The following CCDC171 variants were observed in gnomAD, a reference collection of about 807,000 sequenced individuals.
The protein encoded by CCDC171 is coiled-coil domain containing 171.
In CCDC171, 177 loss-of-function variants were observed where a neutral mutation model predicts 168.2. The observed-to-expected ratio is 1.05, with a 90% confidence interval of 0.93 to 1.19. The LOEUF (loss-of-function observed/expected upper bound fraction) is 1.19, where lower values mean the gene tolerates loss of function less well. Among genes scored for constraint, CCDC171 ranks in the 50% most tolerant of loss-of-function variants. The pLI is 0.00. For missense variants in CCDC171, 1,991 were observed against 1,539.0 expected, an observed-to-expected ratio of 1.29 and a Z score of -4.91; for synonymous variants, 687 against 540.8, an observed-to-expected ratio of 1.27 and a Z score of -3.75.
At chr9:15,850,824 A>G (rs998682392) in intron 23 of CCDC171, among the ~76,000 whole-genome samples, 3 of 151,962 alleles carry the variant, frequency 2.0e-5, no homozygotes, top group Non-Finnish European at 2.9e-5. Flanking sequence ...TGATGAAACA[A>G]AGAGTAGTAT....
intron 21 of CCDC171, among the ~76,000 whole-genome samples, chr9:15,834,912 C>T (rs1211812485): frequency 6.6e-6 from 1 of 152,184 alleles, no homozygotes; most frequent in Admixed American, 6.5e-5. Context: ...AAACCAAAAT[C>T]ATCAAAATCA....
intron 7 of CCDC171, among the ~76,000 whole-genome samples, chr9:15,634,466 G>A (rs1028158231): frequency 2.0e-5 from 3 of 152,098 alleles, no homozygotes; most frequent in African/African-American, 7.2e-5. Flanking sequence ...TTGGTCTGGT[G>A]CACCCCTCTT....
intron 6 of CCDC171, among the ~76,000 whole-genome samples, chr9:16,028,334 A>G (rs1444462469): frequency 2.0e-5 from 3 of 152,198 alleles, no homozygotes; most frequent in African/African-American, 7.2e-5. Context: ...GTTAGCAGAG[A>G]GACCGACCGG....
At chr9:15,895,342 G>C (rs1010381952) in intron 24 of CCDC171, among the ~76,000 whole-genome samples, 13 of 152,068 alleles carry the variant, frequency 8.5e-5, no homozygotes, top group Non-Finnish European at 1.9e-4. Flanking sequence ...CTTGCTAAGT[G>C]TTAGAGAAAG....
intron 18 of CCDC171, among the ~76,000 whole-genome samples, chr9:15,748,682 GA>G (rs2055480704): frequency 6.6e-6 from 1 of 152,158 alleles, no homozygotes; most frequent in African/African-American, 2.4e-5. Context: ...CATTCTTAAA[GA>G]AAAGAATTTT....
chr9:15,734,194 A>G (rs188445446), intron 16 of CCDC171, among the ~76,000 whole-genome samples: 10 of 152,350 alleles, frequency 6.6e-5, no homozygotes, highest in Admixed American at 6.5e-5. Flanking sequence ...ACCCATCTGT[A>G]TACAAATGGA....
chr9:15,746,036 A>G (rs1588262734), intron 18 of CCDC171, among the ~76,000 whole-genome samples: 1 of 152,000 alleles, frequency 6.6e-6, no homozygotes, highest in Admixed American at 6.6e-5. Context: ...TCGTTTTGTG[A>G]TATATTTTTT....
At chr9:15,616,038 C>T (rs924175264) in intron 6 of CCDC171, among the ~76,000 whole-genome samples, 2 of 152,188 alleles carry the variant, frequency 1.3e-5, no homozygotes, top group African/African-American at 2.4e-5. Context: ...GTAACCTCCA[C>T]CTCCTGGGTT....
the CCDC171 span, among the ~76,000 whole-genome samples, chr9:16,080,772 G>C: frequency 6.6e-6 from 1 of 152,138 alleles, no homozygotes; most frequent in Non-Finnish European, 1.5e-5. Context: ...GTGTCCCAAA[G>C]ACAGCTCAAA....
At chr9:15,727,326 C>G (rs955296287) in intron 14 of CCDC171, among the ~76,000 whole-genome samples, 4 of 152,126 alleles carry the variant, frequency 2.6e-5, no homozygotes, top group African/African-American at 9.7e-5. Context: ...AGTAAGTAAA[C>G]TGGATTCTCT....
intron 18 of CCDC171, 129 bp downstream of exon 18, chr9:15,745,760 T>C: frequency 5.9e-6 from 3 of 511,548 alleles, no homozygotes. Context: ...TTTTATTCAG[T>C]CATAGAGAGA....
chr9:15,726,161 A>C (rs2053786593), intron 14 of CCDC171, among the ~76,000 whole-genome samples: 1 of 152,150 alleles, frequency 6.6e-6, no homozygotes, highest in African/African-American at 2.4e-5. Context: ...TTGTGTCCAC[A>C]TGAAGGGGTT....
chr9:15,951,215 C>T (rs553806997), intron 25 of CCDC171, among the ~76,000 whole-genome samples: 3 of 149,720 alleles, frequency 2.0e-5, no homozygotes, highest in African/African-American at 4.8e-5. Flanking sequence ...GACAGATCAA[C>T]GAGACAGAAA....
chr9:15,730,395 T>A (rs2054080701), intron 16 of CCDC171, among the ~76,000 whole-genome samples: 1 of 151,992 alleles, frequency 6.6e-6, no homozygotes, highest in South Asian at 2.1e-4. Flanking sequence ...CTACACAAAT[T>A]ATCATCAACA....
chr9:15,661,029 C>T (rs1466766299), intron 8 of CCDC171, among the ~76,000 whole-genome samples: 2 of 152,230 alleles, frequency 1.3e-5, no homozygotes, highest in East Asian at 1.9e-4. Flanking sequence ...GCCTGTAATC[C>T]CAGCACTTTG....
intron 16 of CCDC171, among the ~76,000 whole-genome samples, chr9:15,737,355 A>G (rs1311638213): frequency 6.6e-6 from 1 of 152,192 alleles, no homozygotes; most frequent in Non-Finnish European, 1.5e-5. Flanking sequence ...ATTAGTTGCC[A>G]AAAGAATGCT....
chr9:15,744,299 CAT>C lies in CCDC171; in HGVS notation c.2077_2078del (p.Met693GlyfsTer7). 1 of 1,582,224 alleles carries C rather than the reference CAT, an allele frequency of 6.3e-7. No homozygotes were observed. On this transcript the variant is annotated frameshift_variant, in exon 17 of 26. Transcript: ENST00000380701. LOFTEE classifies it high-confidence loss of function. ...QKFQEIAEKN[M>X]EKLNHIEKSH... ...AATTTCAAGAAATTGCTGAAAAAAA[CAT>C]GGAAAAATTGAACCATATTGAGAAG...
chr9:15,964,318 CCA>C (rs1303223146), intron 25 of CCDC171, among the ~76,000 whole-genome samples: 1 of 152,000 alleles, frequency 6.6e-6, no homozygotes, highest in Non-Finnish European at 1.5e-5. Flanking sequence ...CATATTTTTA[CCA>C]GTTTGTCATT....
At position 15,853,887 on chromosome 9, in the gene CCDC171, T is replaced by A. The variant is rs762626731; in HGVS notation, c.3468+4940T>A. Among the ~76,000 whole-genome samples the A allele has an allele frequency of 8.6e-4, 131 of 151,750 alleles. 1 individual carries two copies. Among genetic ancestry groups the A allele is most frequent in the Non-Finnish European group, 1.6e-3 (109 of 67,666 alleles). ...TGCCTCGCCTCCTTCATCCTACTGA[T>A]GTTTTGTACTACCTAACATGATTTA... On this transcript the variant is annotated intron_variant, in intron 23 of 25. Coordinates refer to ENST00000380701, the MANE Select transcript of CCDC171 (RefSeq NM_173550.4).
Sources: gnomAD v4.1 joint callset for allele counts (sites outside exome capture counted in the v4.1 genomes callset) on GRCh38, gnomAD v4.1.1 for gene constraint, MANE v1.5 for transcripts, NCBI Gene and HGNC (gene_info 2026-07-23, HGNC 2026-07-21) for gene names.